Variants in LARGE1 observed in about 807,000 individuals in gnomAD.
LARGE1 encodes the protein xylosyl- and glucuronyltransferase LARGE1.
A neutral mutation model predicts 87.6 loss-of-function variants in LARGE1; 43 were observed. That is an observed-to-expected ratio of 0.49 (90% CI 0.38 to 0.63). LARGE1 has a LOEUF of 0.63. Ranked by LOEUF, LARGE1 falls within the 30% of genes least tolerant of loss-of-function variation. LARGE1 has a pLI of 0.00. For synonymous variants in LARGE1, 434 were observed against 394.6 expected (o/e 1.10, Z -1.18); for missense variants, 802 against 1,000.2 (o/e 0.80, Z 2.67).
chr22:33,615,484 G>A (rs1214503505), intron 4 of LARGE1, among the ~76,000 whole-genome samples: 1 of 93,958 alleles, frequency 1.1e-5, no homozygotes, highest in African/African-American at 3.9e-5. Context: ...AGATTTCACT[G>A]AAATAATTTT....
intron 2 of LARGE1, among the ~76,000 whole-genome samples, chr22:33,736,645 ATTTATCTATTTTTTTCTT>A (rs2083665987): frequency 6.6e-6 from 1 of 152,166 alleles, no homozygotes; most frequent in African/African-American, 2.4e-5. Flanking sequence ...ATGAAGCTCA[ATTTATCTATTTTTTTCTT>A]TTGTTGGTTG....
intron 11 of LARGE1, among the ~76,000 whole-genome samples, chr22:33,203,101 CTG>C (rs1324075899): frequency 1.1e-3 from 121 of 108,600 alleles, no homozygotes; most frequent in Middle Eastern, 4.3e-3. Flanking sequence ...CTCTCTCTCT[CTG>C]TGTGTGTGTG....
At chr22:33,895,790 G>A (rs1464211633) in intron 1 of LARGE1, among the ~76,000 whole-genome samples, 1 of 152,170 alleles carries the variant, frequency 6.6e-6, no homozygotes, top group African/African-American at 2.4e-5. Flanking sequence ...CTCTGCTCTG[G>A]TCTTATTAGA....
At chr22:33,792,400 C>T (rs577070900) in intron 1 of LARGE1, among the ~76,000 whole-genome samples, 24 of 152,284 alleles carry the variant, frequency 1.6e-4, no homozygotes, top group Non-Finnish European at 3.4e-4. Context: ...CTTGCTTCCC[C>T]TTCCACCATG....
intron 10 of LARGE1, among the ~76,000 whole-genome samples, chr22:33,327,611 G>C (rs1179565222): frequency 6.6e-6 from 1 of 152,158 alleles, no homozygotes; most frequent in East Asian, 1.9e-4. Context: ...GCTAGAGTGT[G>C]GTGGTGCCGT....
chr22:33,711,406 G>A (rs117760161), intron 2 of LARGE1, among the ~76,000 whole-genome samples: 67 of 152,208 alleles, frequency 4.4e-4, no homozygotes, highest in Non-Finnish European at 6.9e-4. Flanking sequence ...TCACACTTTC[G>A]TTCAAATGTG....
In LARGE1 at chr22:33,274,242, C is replaced by G. The variant is rs1928698168; in HGVS notation, c.*185G>C. On this transcript the variant is annotated 3_prime_UTR_variant, in exon 15 of 15. Coordinates refer to ENST00000397394, the MANE Select transcript of LARGE1 (RefSeq NM_133642.5). Reference sequence around the variant, plus strand: ...CCTCTGGGAATGCAGGGTTGTGGGGCAGAGAGGGACTGGCTGGATCCTTGT... The same window carrying G: ...CCTCTGGGAATGCAGGGTTGTGGGGGAGAGAGGGACTGGCTGGATCCTTGT... 1.5e-6 allele frequency: 1 copy of G among 662,360 alleles called. No individual in the cohort carries two copies. The highest frequency in any genetic ancestry group is 1.8e-5 in the African/African-American group (1 of 56,168). 41.0% of individuals were successfully genotyped at this position (662,360 alleles called of 1,614,324 possible). A position where few individuals can be genotyped will look rare whatever the true frequency, so the allele number is the denominator to read the frequency against.
rs199906790 is a variant in LARGE1 at position 33,626,311 on chromosome 22, T to C, written c.424A>G (p.Ile142Val). 51 of 1,613,764 alleles carry C rather than the reference T, an allele frequency of 3.2e-5. No individual in the cohort carries two copies. The highest frequency in any genetic ancestry group is 6.7e-5 in the East Asian group (3 of 44,878). ...VEKCETIHVA[I>V]VCAGYNASRD... is the part of the protein sequence containing the mutation. ...CTGGCATTGTATCCGGCGCAGACAA[T>C]AGCAACGTGGATTGTCTGGGAAGAA... Residue 142 changes from isoleucine (I) to valine (V), a missense_variant, in exon 4 of 15, where the codon ATT (isoleucine) becomes GTT (valine). Physicochemically the swap from Ile to Val is conservative, Grantham distance 29 (BLOSUM62 3). Coordinates refer to ENST00000397394, the MANE Select transcript of LARGE1 (RefSeq NM_133642.5).
intron 5 of LARGE1, among the ~76,000 whole-genome samples, chr22:33,587,920 A>G (rs1477293581): frequency 2.6e-5 from 4 of 152,208 alleles, no homozygotes; most frequent in African/African-American, 9.6e-5. Context: ...CCTCAATCAC[A>G]TTAATGCCTT....
intron 2 of LARGE1, among the ~76,000 whole-genome samples, chr22:33,675,816 TTGG>T (rs2081561492): frequency 6.7e-6 from 1 of 150,356 alleles, no homozygotes; most frequent in South Asian, 2.1e-4. Flanking sequence ...GCCTCTACAA[TTGG>T]TGTTCACTCC....
At chr22:33,741,158 G>T (rs917850317) in intron 2 of LARGE1, among the ~76,000 whole-genome samples, 19 of 152,224 alleles carry the variant, frequency 1.2e-4, no homozygotes, top group African/African-American at 4.6e-4. Flanking sequence ...GAGCACGAAG[G>T]CCACACGTGT....
At chr22:33,904,738 A>G (rs1219439930) in intron 1 of LARGE1, among the ~76,000 whole-genome samples, 1 of 138,962 alleles carries the variant, frequency 7.2e-6, no homozygotes, top group Non-Finnish European at 1.6e-5. Context: ...TTAGGTTTCT[A>G]TAATTTGTAC....
chr22:33,662,711 A>G (rs1051961479), intron 2 of LARGE1, among the ~76,000 whole-genome samples: 4 of 152,188 alleles, frequency 2.6e-5, no homozygotes, highest in African/African-American at 9.7e-5. Flanking sequence ...AGTAGCTGCC[A>G]TCCAGAATAT....
intron 2 of LARGE1, among the ~76,000 whole-genome samples, chr22:33,746,949 T>G (rs5999081): frequency 0.24 from 36,935 of 151,926 alleles, 6,615 homozygotes; most frequent in African/African-American, 0.52. Context: ...TACAGACACC[T>G]GGGCACCTCC....
At chr22:33,410,536 T>C (rs1423865350) in intron 7 of LARGE1, among the ~76,000 whole-genome samples, 3 of 152,120 alleles carry the variant, frequency 2.0e-5, no homozygotes, top group Admixed American at 6.5e-5. Flanking sequence ...TTCTCTCTCC[T>C]GCTGCCATGT....
chr22:33,293,058 G>A (rs573857092), intron 12 of LARGE1, among the ~76,000 whole-genome samples: 1 of 152,150 alleles, frequency 6.6e-6, no homozygotes, highest in Admixed American at 6.5e-5. Context: ...GAAGACAGAA[G>A]CATACTCCTC....
chr22:33,252,365 C>G (rs1018172737), intron 11 of LARGE1, among the ~76,000 whole-genome samples: 2 of 151,400 alleles, frequency 1.3e-5, no homozygotes, highest in Non-Finnish European at 1.5e-5. Context: ...GCCTAACTCT[C>G]CTTCTCCATC....
chr22:33,842,531 G>A (rs2063309732), intron 1 of LARGE1, among the ~76,000 whole-genome samples: 2 of 152,148 alleles, frequency 1.3e-5, no homozygotes, highest in Non-Finnish European at 2.9e-5. Context: ...CACATCCACT[G>A]TGGCCCTGAG....
At chr22:33,236,061 A>G (rs1276017418) in intron 11 of LARGE1, among the ~76,000 whole-genome samples, 2 of 152,184 alleles carry the variant, frequency 1.3e-5, no homozygotes, top group Non-Finnish European at 2.9e-5. Context: ...CTTTAAGTCG[A>G]GGAACACCAA....
Sources: gnomAD v4.1 joint callset for allele counts (sites outside exome capture counted in the v4.1 genomes callset) on GRCh38, gnomAD v4.1.1 for gene constraint, MANE v1.5 for transcripts, NCBI Gene and HGNC (gene_info 2026-07-23, HGNC 2026-07-21) for gene names.